MRPL43: variants seen among roughly 807,000 people sequenced by gnomAD.
MRPL43 encodes the protein large ribosomal subunit protein mL43.
MRPL43 carries 9 observed loss-of-function variants against 12.7 expected under a neutral mutation model. The ratio of observed to expected loss-of-function variants is 0.71; its 90% CI spans 0.43 to 1.24. MRPL43 has a LOEUF of 1.24. Ranked by LOEUF, MRPL43 falls within the 50% of genes most tolerant of loss-of-function variation. The probability of loss-of-function intolerance (pLI) is 0.00; values close to 1 mark genes in which losing one functional copy is unlikely to be tolerated. For missense variants in MRPL43, 211 were observed against 229.2 expected (o/e 0.92, Z 0.51); for synonymous variants, 116 against 96.4 (o/e 1.20, Z -1.19).
downstream of MRPL43, chr10:100,984,574 A>T (rs11591349): frequency 0.41 from 628,299 of 1,535,904 alleles, 135,362 homozygotes; most frequent in Middle Eastern, 0.47. Context: ...ACCAGACAAG[A>T]CCTCTGCCAG....
Position 100,987,489 on chromosome 10 carries a change from G to T in MRPL43, c.-46C>A, listed in dbSNP as rs1483069598. ...GGAGCCTAAGCAGCGAGGAGAGGGG[G>T]GCGGGACTAAACCTCGAGGCTTCCG... On this transcript the variant is annotated 5_prime_UTR_variant, in exon 1 of 3. Coordinates refer to ENST00000318364, the MANE Select transcript of MRPL43 (RefSeq NM_032112.3). 5 of 1,600,250 alleles carry T rather than the reference G, an allele frequency of 3.1e-6. No homozygotes were observed. The East Asian group carries it at 9.0e-5, about 29-fold the overall frequency.
At chr10:100,981,796 G>A (rs111375222), downstream of MRPL43, among the ~76,000 whole-genome samples, 2,965 of 152,242 alleles carry the variant, frequency 0.019, 94 homozygotes, top group African/African-American at 0.064. Flanking sequence ...AGTGGCTCAC[G>A]CCTGTAATCC....
At position 100,986,514 on chromosome 10, in the gene MRPL43, G is replaced by C. The variant is rs1349057418; in HGVS notation, c.*220C>G. On this transcript the variant is annotated 3_prime_UTR_variant, in exon 3 of 3. Coordinates refer to ENST00000318364, the MANE Select transcript of MRPL43 (RefSeq NM_032112.3). ...GAAGTCTTCCTCATCTCAGGTTTTAGGGATGCCACTTGCATAAAAATGAGT... is the reference window on the plus strand; with the variant it reads ...GAAGTCTTCCTCATCTCAGGTTTTACGGATGCCACTTGCATAAAAATGAGT... 1.9e-6 allele frequency: 3 copies of C among 1,551,414 alleles called. No homozygotes were observed. In the African/African-American group the frequency reaches 4.1e-5, roughly 21 times the overall value.
chr10:100,984,656 C>T (rs554180516), downstream of MRPL43: 82 of 1,536,244 alleles, frequency 5.3e-5, no homozygotes, highest in African/African-American at 1.1e-3. Flanking sequence ...AGTGCCCCCA[C>T]CCTCACCTTC....
chr10:100,982,787 G>A (rs1053814690), downstream of MRPL43, among the ~76,000 whole-genome samples: 1 of 152,116 alleles, frequency 6.6e-6, no homozygotes, highest in East Asian at 1.9e-4. Context: ...ATGAGACTCC[G>A]TCTCAAAAAA....
Position 100,987,387 on chromosome 10 carries a change from C to T in MRPL43, c.57G>A (p.Leu19=), listed in dbSNP as rs1851576760. ...GCTGCAGCTGCTGCACATAGCGACC[C>T]AGTCCGTTGTGGAGAACGCTGGCCA... is the stretch of plus-strand genomic sequence containing the variant. ...RFLASVLHNG[L]GRYVQQLQRL... is the part of the protein sequence containing the mutation. Residue 19 remains leucine, a synonymous_variant, in exon 1 of 3, where the codon CTG becomes CTA. Transcript: ENST00000318364. 2 of 1,612,636 alleles carry T rather than the reference C, an allele frequency of 1.2e-6. No homozygotes were observed. Among genetic ancestry groups the T allele is most frequent in the East Asian group, 2.2e-5 (1 of 44,876 alleles).
chr10:100,979,478 G>C (rs944485849), downstream of MRPL43: 12 of 1,352,668 alleles, frequency 8.9e-6, no homozygotes, highest in Middle Eastern at 2.6e-4. Context: ...CGCCTCCCGG[G>C]TTCAAGTGAT....
Position 100,987,364 on chromosome 10 carries a change from T to G in MRPL43, c.80A>C (p.Gln27Pro), listed in dbSNP as rs1337315868. 4 of 1,612,594 alleles carry G rather than the reference T, an allele frequency of 2.5e-6. No homozygotes were observed. Among genetic ancestry groups the G allele is most frequent in the Non-Finnish European group, 3.4e-6 (4 of 1,179,900 alleles). The change falls in exon 1 of 3, where the codon CAG (glutamine) becomes CCG (proline). Residue 27 changes from glutamine (Q) to proline (P), a missense_variant. Coordinates refer to ENST00000318364, the MANE Select transcript of MRPL43 (RefSeq NM_032112.3). ...GCGGCTGACGCTGAAGCTCAGACGC[T>G]GCAGCTGCTGCACATAGCGACCCAG... ...NGLGRYVQQL[Q>P]RLSFSVSRDG...
downstream of MRPL43, chr10:100,985,360 T>A (rs549209014): frequency 6.4e-6 from 1 of 156,084 alleles, no homozygotes; most frequent in East Asian, 1.9e-4. Context: ...CTGACTGAGC[T>A]CCCCCATTCC....
downstream of MRPL43, chr10:100,983,232 G>A: frequency 6.9e-7 from 1 of 1,442,570 alleles, no homozygotes; most frequent in Non-Finnish European, 9.2e-7. Flanking sequence ...ACTTGGCAGT[G>A]AACAGTCTGG....
At chr10:100,984,627 T>C, downstream of MRPL43, 2 of 1,536,296 alleles carry the variant, frequency 1.3e-6, no homozygotes, top group Non-Finnish European at 8.7e-7. Flanking sequence ...CATGGAAGAA[T>C]GTTTATCGGC....
At chr10:100,983,485 C>G, downstream of MRPL43, 1 of 1,614,202 alleles carries the variant, frequency 6.2e-7, no homozygotes, top group East Asian at 2.2e-5. Context: ...GATGCACAGC[C>G]TGAGCACAGT....
At chr10:100,979,851 G>A, downstream of MRPL43, 3 of 1,613,594 alleles carry the variant, frequency 1.9e-6, no homozygotes, top group South Asian at 2.2e-5. Context: ...ATTCTAGGAA[G>A]ACCCTGGAGG....
At chr10:100,984,509 T>C (rs775161961), downstream of MRPL43, 312 of 1,535,836 alleles carry the variant, frequency 2.0e-4, no homozygotes, top group Non-Finnish European at 2.5e-4. Context: ...TGCAGGTCCA[T>C]ATGGGCTCAA....
chr10:100,980,887 C>A, downstream of MRPL43: 1 of 1,610,900 alleles, frequency 6.2e-7, no homozygotes, highest in Non-Finnish European at 8.5e-7. Context: ...GCTCCCGCTA[C>A]CGATCCTGCT....
At chr10:100,984,165 C>G (rs762807711), downstream of MRPL43, 19 of 1,575,250 alleles carry the variant, frequency 1.2e-5, no homozygotes, top group Non-Finnish European at 1.7e-6. Context: ...TCTTCCAAGC[C>G]AGCCTATCTG....
downstream of MRPL43, chr10:100,983,222 A>T: frequency 7.1e-7 from 1 of 1,402,866 alleles, no homozygotes; most frequent in Non-Finnish European, 9.5e-7. Flanking sequence ...GGTGCCAGGG[A>T]CTTGGCAGTG....
downstream of MRPL43, chr10:100,984,473 C>G: frequency 6.5e-7 from 1 of 1,529,978 alleles, no homozygotes; most frequent in Non-Finnish European, 8.8e-7. Flanking sequence ...TGCCCAAACC[C>G]TTTCTCTTTC....
downstream of MRPL43, among the ~76,000 whole-genome samples, chr10:100,981,785 C>G (rs2133891859): frequency 6.6e-6 from 1 of 152,262 alleles, no homozygotes; most frequent in Non-Finnish European, 1.5e-5. Context: ...TGGCTGAGTA[C>G]AGTGGCTCAC....
Sources: gnomAD v4.1 joint callset for allele counts (sites outside exome capture counted in the v4.1 genomes callset) on GRCh38, gnomAD v4.1.1 for gene constraint, MANE v1.5 for transcripts, NCBI Gene and HGNC (gene_info 2026-07-23, HGNC 2026-07-21) for gene names.